Variants in ABI3 observed in about 807,000 individuals in gnomAD.
The protein encoded by ABI3 is ABI gene family member 3.
In ABI3, 24 loss-of-function variants were observed where a neutral mutation model predicts 37.0. The ratio of observed to expected loss-of-function variants is 0.65; its 90% CI spans 0.47 to 0.91. The LOEUF is 0.91. Ranked by LOEUF, ABI3 falls within the 40% of genes least tolerant of loss-of-function variation. The probability of loss-of-function intolerance (pLI) is 0.00; values close to 1 mark genes in which losing one functional copy is unlikely to be tolerated. For missense variants in ABI3, 481 were observed against 485.1 expected (o/e 0.99, Z 0.08); for synonymous variants, 220 against 211.8 (o/e 1.04, Z -0.34).
chr17:49,217,250 G>C (rs964028447), intron 2 of ABI3, among the ~76,000 whole-genome samples: 6 of 152,112 alleles, frequency 3.9e-5, no homozygotes, highest in African/African-American at 1.4e-4. Context: ...TCAGTGGGTG[G>C]GGTGTGTCTT....
Position 49,219,626 on chromosome 17 carries a change from G to A in ABI3, c.548+1G>A. The A allele has an allele frequency of 6.2e-7, 1 of 1,600,744 alleles. No homozygotes were observed. The highest frequency in any genetic ancestry group is 8.5e-7 in the Non-Finnish European group (1 of 1,173,884). On this transcript the variant is annotated splice_donor_variant, in intron 4 of 7. Coordinates refer to ENST00000225941, the MANE Select transcript of ABI3 (RefSeq NM_016428.3). LOFTEE classifies it high-confidence loss of function. This position sits in a 1 kb window ranked among gnomAD's most constrained non-coding sequence, Gnocchi z 4.3. ...CCACACCCGCCTCCGCCACCTTGGG[G>A]TGAGGCCTCGCCGCGACGCCAACTA...
At chr17:49,222,446 C>A in intron 7 of ABI3, 106 bp from the exon 8 acceptor site, 1 of 1,455,996 alleles carries the variant, frequency 6.9e-7, no homozygotes, top group Non-Finnish European at 9.4e-7. Context: ...CCCAAGATGG[C>A]CCCTAGAGTC....
Position 49,220,284 on chromosome 17 carries a change from C to A in ABI3, c.760C>A (p.Gln254Lys). The A allele has an allele frequency of 6.2e-7, 1 of 1,602,820 alleles. No homozygotes were observed. Among genetic ancestry groups the A allele is most frequent in the East Asian group, 2.2e-5 (1 of 44,516 alleles). Residue 254 changes from glutamine to lysine, a missense_variant, in exon 6 of 8, where the codon CAG becomes AAG. Physicochemically the swap from Gln to Lys is moderately conservative, Grantham distance 53. Coordinates refer to ENST00000225941, the MANE Select transcript of ABI3 (RefSeq NM_016428.3). ...TCCACCAGCAGCCGTCGAGGTGTTC[C>A]AGCGGCCTCCCACGCTGGAGGAGTT... ...PPPPAAVEVF[Q>K]RPPTLEELSP...
rs777451275 is a variant in ABI3 at position 49,216,714 on chromosome 17, C to T, written c.285+16C>T. 1.3e-5 allele frequency: 19 copies of T among 1,477,166 alleles called. No homozygotes were observed. In the South Asian group the frequency reaches 1.5e-4, roughly 12 times the overall value. 91.5% of individuals were successfully genotyped at this position (1,477,166 alleles called of 1,614,324 possible). A position where few individuals can be genotyped will look rare whatever the true frequency, so the allele number is the denominator to read the frequency against. ...GCTGGGCCAGGTAAGGGGCGTGGGGCGTGGGAAGGCATCTTGTGTCAGGCC... is the reference window on the plus strand; with the variant it reads ...GCTGGGCCAGGTAAGGGGCGTGGGGTGTGGGAAGGCATCTTGTGTCAGGCC... On this transcript the variant is annotated intron_variant, in intron 2 of 7. Coordinates refer to ENST00000225941, the MANE Select transcript of ABI3 (RefSeq NM_016428.3).
chr17:49,213,689 G>A (rs1240144104), intron 1 of ABI3, among the ~76,000 whole-genome samples: 1 of 152,222 alleles, frequency 6.6e-6, no homozygotes, highest in Admixed American at 6.5e-5. Flanking sequence ...GCCAGGGGTC[G>A]GTAGGTGTTC....
At chr17:49,215,593 G>C (rs11654096) in intron 1 of ABI3, among the ~76,000 whole-genome samples, 56,634 of 151,568 alleles carry the variant, frequency 0.37, 10,794 homozygotes, top group South Asian at 0.43. Flanking sequence ...CGCCTCCCGG[G>C]TTCAAGTGAT....
chr17:49,222,709 C>G lies in ABI3; in HGVS notation c.1095C>G (p.Ser365Arg). The G allele has an allele frequency of 6.4e-7, 1 of 1,566,080 alleles. No homozygotes were observed. Among genetic ancestry groups the G allele is most frequent in the Non-Finnish European group, 8.7e-7 (1 of 1,155,892 alleles). The stretch of plus-strand genomic sequence containing the variant: ...TCCCTGGGAACTATGTGGAGCCCAG[C>G]TGCTGACAGCCCAGGGCTCTCTGGG... ...GFFPGNYVEP[S>R]C The change falls in exon 8 of 8, where the codon AGC becomes AGG. Residue 365 changes from serine to arginine, a missense_variant. By Grantham distance (110) the Ser-to-Arg change is moderately radical (BLOSUM62 -1). Coordinates refer to ENST00000225941, the MANE Select transcript of ABI3 (RefSeq NM_016428.3).
chr17:49,217,640 C>A, intron 2 of ABI3, 99 bp from the exon 3 acceptor site: 1 of 1,150,968 alleles, frequency 8.7e-7, no homozygotes, highest in Non-Finnish European at 1.2e-6. Context: ...GACCTGGCTG[C>A]CTCCCCCCCC....
chr17:49,217,923 G>C lies in ABI3; in HGVS notation c.462+8G>C, dbSNP rs774673317. The C allele has an allele frequency of 1.3e-6, 2 of 1,517,710 alleles. No individual in the cohort carries two copies. The highest frequency in any genetic ancestry group is 1.8e-6 in the Non-Finnish European group (2 of 1,136,678). The allele number at this position is 1,517,710 out of a possible 1,614,324, so 94.0% of individuals were successfully genotyped here. On this transcript the variant is annotated splice_region_variant and intron_variant, in intron 3 of 7. Transcript: ENST00000225941. ...ATTGGCCATGGGATCAAGGTAGAGA[G>C]AGGGGCCCTCCTCTTTCCCTCCAAC... is the stretch of plus-strand genomic sequence containing the variant.
At chr17:49,211,218 G>A (rs2043163748) in intron 1 of ABI3, among the ~76,000 whole-genome samples, 1 of 152,188 alleles carries the variant, frequency 6.6e-6, no homozygotes, top group Non-Finnish European at 1.5e-5. Context: ...GGCTCTGGGT[G>A]AGGCTTCAGA....
At chr17:49,221,826 C>A (rs2143545265) in intron 6 of ABI3, among the ~76,000 whole-genome samples, 1 of 152,312 alleles carries the variant, frequency 6.6e-6, no homozygotes, top group African/African-American at 2.4e-5. Context: ...TTAAGCCATT[C>A]TCCTGCCTCA....
intron 1 of ABI3, among the ~76,000 whole-genome samples, chr17:49,215,748 T>C (rs977342372): frequency 2.7e-5 from 4 of 150,584 alleles, no homozygotes; most frequent in African/African-American, 9.7e-5. Flanking sequence ...TTTGCCCGCC[T>C]GGGCCTCCCA....
rs373253578 is a variant in ABI3 at position 49,222,207 on chromosome 17, G to T, written c.919G>T (p.Ala307Ser). Reference protein sequence around the residue: ...FGPDEPSWVPASYLEKVVTLY... With the variant: ...FGPDEPSWVPSSYLEKVVTLY... ...GCCTGATGAGCCCAGCTGGGTGCCT[G>T]CCTCATACTTGGAGAAAGGTACCTG... The change falls in exon 7 of 8, where the codon GCC (alanine) becomes TCC (serine). Residue 307 changes from alanine (A) to serine (S), a missense_variant. Transcript: ENST00000225941. 25 of 1,612,854 alleles carry T rather than the reference G, an allele frequency of 1.6e-5. No homozygotes were observed. In the African/African-American group the frequency reaches 2.9e-4, roughly 19 times the overall value.
rs2043261138 is a variant in ABI3 at position 49,219,769 on chromosome 17, G to C, written c.549-89G>C. On this transcript the variant is annotated intron_variant, in intron 4 of 7. Coordinates refer to ENST00000225941, the MANE Select transcript of ABI3 (RefSeq NM_016428.3). The surrounding 1 kb of genome is among the most constrained non-coding windows in gnomAD (Gnocchi z 4.3). The stretch of plus-strand genomic sequence containing the variant: ...ATGCCTGGCGCCAAACCTCCCCCTC[G>C]GCCACCTGCCCTTCCTGCTCGCACC... The C allele has an allele frequency of 1.4e-6, 2 of 1,447,286 alleles. No individual in the cohort carries two copies. Among genetic ancestry groups the C allele is most frequent in the East Asian group, 2.5e-5 (1 of 40,408 alleles). 89.7% of individuals were successfully genotyped at this position (1,447,286 alleles called of 1,614,324 possible). A position where few individuals can be genotyped will look rare whatever the true frequency, so the allele number is the denominator to read the frequency against.
At position 49,210,764 on chromosome 17, in the gene ABI3, A is replaced by G. The variant is rs549417316; in HGVS notation, c.40A>G (p.Thr14Ala). 37 of 1,555,640 alleles carry G rather than the reference A, an allele frequency of 2.4e-5. No homozygotes were observed. Among genetic ancestry groups the G allele is most frequent in the Non-Finnish European group, 2.8e-5 (32 of 1,149,444 alleles). ...GCAGCTGCAGGAGTTTGAGATCCCC[A>G]CTGGCCGGGAGGCTCTGAGGGGCAA... ...LQQLQEFEIP[T>A]GREALRGNHS... is the part of the protein sequence containing the mutation. The change falls in exon 1 of 8, where the codon ACT (threonine) becomes GCT (alanine). Residue 14 changes from threonine (T) to alanine (A), a missense_variant. Thr to Ala is a moderately conservative substitution (Grantham distance 58). Coordinates refer to ENST00000225941, the MANE Select transcript of ABI3 (RefSeq NM_016428.3). The surrounding 1 kb of genome is among the most constrained non-coding windows in gnomAD (Gnocchi z 4.2).
At chr17:49,215,855 G>C (rs1429775621) in intron 1 of ABI3, among the ~76,000 whole-genome samples, 1 of 150,926 alleles carries the variant, frequency 6.6e-6, no homozygotes, top group Admixed American at 6.6e-5. Flanking sequence ...TGTAATCCCA[G>C]CAGTTTGGGA....
chr17:49,222,318 C>A, intron 7 of ABI3, 93 bp downstream of exon 7: 1 of 1,483,490 alleles, frequency 6.7e-7, no homozygotes, highest in East Asian at 2.3e-5. Flanking sequence ...GTGAATCTAT[C>A]CCCCGGGCCC....
intron 6 of ABI3, 147 bp downstream of exon 6, chr17:49,220,473 A>C: frequency 9.3e-7 from 1 of 1,074,046 alleles, no homozygotes; most frequent in African/African-American, 1.6e-5. Flanking sequence ...AAGGAGACAG[A>C]GGAAGTGAAC....
At position 49,219,256 on chromosome 17, in the gene ABI3, G is replaced by A. The variant is rs1598243823; in HGVS notation, c.463-284G>A. 6.6e-6 allele frequency among the ~76,000 whole-genome samples: 1 copy of A among 152,134 alleles called. No individual in the cohort carries two copies. The highest frequency in any genetic ancestry group is 1.5e-5 in the Non-Finnish European group (1 of 68,022). On this transcript the variant is annotated intron_variant, in intron 3 of 7. Coordinates refer to ENST00000225941, the MANE Select transcript of ABI3 (RefSeq NM_016428.3). The surrounding 1 kb of genome is among the most constrained non-coding windows in gnomAD (Gnocchi z 4.3). Reference sequence around the variant, plus strand: ...GCCCCAGCTTCCTGGGCTCTGAGATGGTCTGGGGGAGGGACAGGGGTGCTG... The same window carrying A: ...GCCCCAGCTTCCTGGGCTCTGAGATAGTCTGGGGGAGGGACAGGGGTGCTG...
Sources: gnomAD v4.1 joint callset for allele counts (sites outside exome capture counted in the v4.1 genomes callset) on GRCh38, gnomAD v4.1.1 for gene constraint, Gnocchi (gnomAD v3.1) non-coding constraint, MANE v1.5 for transcripts, NCBI Gene and HGNC (gene_info 2026-07-23, HGNC 2026-07-21) for gene names.